MYO1B: variants seen among roughly 807,000 people sequenced by gnomAD.
MYO1B encodes the protein myosin IB, also known as unconventional myosin-Ib.
In MYO1B, 72 loss-of-function variants were observed where a neutral mutation model predicts 159.7. The ratio of observed to expected loss-of-function variants is 0.45; its 90% CI spans 0.37 to 0.55. The LOEUF is 0.55. MYO1B is among the 20% of genes least tolerant of loss of function. The pLI, the probability that MYO1B is intolerant of heterozygous loss-of-function variation, is 0.00. For missense variants in MYO1B, 1,062 were observed against 1,364.8 expected (o/e 0.78, Z 3.50); for synonymous variants, 468 against 473.8 (o/e 0.99, Z 0.16).
At chr2:191,257,969 A>C (rs986228704) in intron 1 of MYO1B, among the ~76,000 whole-genome samples, 4 of 152,220 alleles carry the variant, frequency 2.6e-5, no homozygotes, top group African/African-American at 7.2e-5. Context: ...ATTACAGTAA[A>C]ATCTAGTTTT....
At chr2:191,274,718 A>T (rs1431229291) in intron 1 of MYO1B, among the ~76,000 whole-genome samples, 2 of 152,004 alleles carry the variant, frequency 1.3e-5, no homozygotes, top group African/African-American at 4.8e-5. Flanking sequence ...CTCCCTGTGC[A>T]AGTCCTTCTG....
intron 5 of MYO1B, among the ~76,000 whole-genome samples, chr2:191,343,621 T>A (rs1692371975): frequency 6.6e-6 from 1 of 152,248 alleles, no homozygotes; most frequent in Non-Finnish European, 1.5e-5. Flanking sequence ...CTTTTGCTTT[T>A]AAGTTGGGGT....
At chr2:191,285,829 G>C (rs1688331306) in intron 2 of MYO1B, among the ~76,000 whole-genome samples, 1 of 152,134 alleles carries the variant, frequency 6.6e-6, no homozygotes, top group African/African-American at 2.4e-5. Context: ...GGTTGTGTTG[G>C]TTCATGAGCC....
At chr2:191,265,633 A>G (rs1401019700) in intron 1 of MYO1B, among the ~76,000 whole-genome samples, 1 of 152,114 alleles carries the variant, frequency 6.6e-6, no homozygotes, top group African/African-American at 2.4e-5. Context: ...TTTTACGTTC[A>G]CTTAGGGGTT....
chr2:191,293,377 A>G (rs1285999504), intron 2 of MYO1B, among the ~76,000 whole-genome samples: 1 of 152,212 alleles, frequency 6.6e-6, no homozygotes, highest in Admixed American at 6.5e-5. Flanking sequence ...AGGAGTCCCA[A>G]TCCAGACCAC....
At chr2:191,329,886 A>G (rs368353215) in intron 3 of MYO1B, 49 bp from the exon 4 acceptor site, 224 of 1,525,288 alleles carry the variant, frequency 1.5e-4, no homozygotes, top group Non-Finnish European at 1.9e-4. Flanking sequence ...TGATAAACAC[A>G]TAATAATGAT....
chr2:191,372,323 G>A (rs756709003), intron 13 of MYO1B, among the ~76,000 whole-genome samples: 5 of 152,206 alleles, frequency 3.3e-5, no homozygotes, highest in Non-Finnish European at 5.9e-5. Flanking sequence ...TTAAAAAATA[G>A]GATAATGAGG....
At chr2:191,306,011 G>A (rs1689630375) in intron 3 of MYO1B, among the ~76,000 whole-genome samples, 1 of 152,016 alleles carries the variant, frequency 6.6e-6, no homozygotes, top group African/African-American at 2.4e-5. Flanking sequence ...GGACACAATG[G>A]ACAAAAATCT....
rs1465525492 is a variant in MYO1B, at chr2:191,276,947, G to A, written c.52G>A (p.Gly18Arg). Reference protein sequence around the residue: ...TSLLDNMIGVGDMVLLEPLNE... With the variant: ...TSLLDNMIGVRDMVLLEPLNE... ...ACTTCTGGACAATATGATTGGAGTT[G>A]GGGATATGGTTCTTTTAGAACCTCT... Residue 18 changes from glycine (G) to arginine (R), a missense_variant, in exon 2 of 31, where the codon GGG becomes AGG. Gly to Arg is a moderately radical substitution (Grantham distance 125). This residue lies in a region of MYO1B where 415 missense variants were observed against 544.0 expected (regional missense o/e 0.76). Transcript: ENST00000392318. 1 of 1,613,848 alleles carries A rather than the reference G, an allele frequency of 6.2e-7. No individual in the cohort carries two copies. The highest frequency in any genetic ancestry group is 1.3e-5 in the African/African-American group (1 of 74,898).
intron 3 of MYO1B, among the ~76,000 whole-genome samples, chr2:191,327,266 T>C (rs1691161148): frequency 1.3e-5 from 2 of 152,240 alleles, no homozygotes; most frequent in African/African-American, 4.8e-5. Context: ...TTACATTTCA[T>C]GTTTATGTCT....
At chr2:191,406,415 G>C (rs1217964787) in intron 24 of MYO1B, among the ~76,000 whole-genome samples, 1 of 152,194 alleles carries the variant, frequency 6.6e-6, no homozygotes, top group Non-Finnish European at 1.5e-5. Flanking sequence ...GCCTGCCTCA[G>C]CTGTTGACAT....
At chr2:191,332,103 C>T (rs1559175445) in intron 4 of MYO1B, among the ~76,000 whole-genome samples, 4 of 152,160 alleles carry the variant, frequency 2.6e-5, no homozygotes, top group Admixed American at 1.3e-4. Flanking sequence ...GCTGGGATTA[C>T]AGGTGCCCAC....
chr2:191,368,569 T>C (rs1694158972), intron 11 of MYO1B, among the ~76,000 whole-genome samples: 1 of 152,248 alleles, frequency 6.6e-6, no homozygotes, highest in Non-Finnish European at 1.5e-5. Flanking sequence ...TTCTGCCTCT[T>C]TGTCAAGTAG....
intron 27 of MYO1B, among the ~76,000 whole-genome samples, chr2:191,412,062 A>G (rs1697281141): frequency 6.6e-6 from 1 of 152,248 alleles, no homozygotes; most frequent in Non-Finnish European, 1.5e-5. Context: ...TTAAAGGAAT[A>G]TACATTGCCA....
Position 191,251,076 on chromosome 2 carries a change from T to C in MYO1B, c.-10+5450T>C, listed in dbSNP as rs117561677. ...TCAGTTTATCCTTTTCTGGGTGTTTTGGCTTCCCAGTCCTGCGTCATTCTC... is the reference window on the plus strand; with the variant it reads ...TCAGTTTATCCTTTTCTGGGTGTTTCGGCTTCCCAGTCCTGCGTCATTCTC... On this transcript the variant is annotated intron_variant, in intron 1 of 30. Transcript: ENST00000392318. Among the ~76,000 whole-genome samples, 94 of 152,320 alleles carry C rather than the reference T, an allele frequency of 6.2e-4. 1 individual carries two copies. The East Asian group carries it at 0.01, about 17-fold the overall frequency.
At chr2:191,403,085 G>A (rs1021093584) in intron 24 of MYO1B, among the ~76,000 whole-genome samples, 3 of 152,208 alleles carry the variant, frequency 2.0e-5, no homozygotes, top group South Asian at 4.2e-4. Flanking sequence ...GACCAGCCTA[G>A]GGATGCCAGG....
chr2:191,414,352 T>C (rs1373595701), intron 28 of MYO1B, among the ~76,000 whole-genome samples, 165 bp from the exon 29 acceptor site: 1 of 152,242 alleles, frequency 6.6e-6, no homozygotes, highest in Non-Finnish European at 1.5e-5. Context: ...CTCTGACATT[T>C]TTATGAAATA....
chr2:191,384,155 C>G (rs1408226931), intron 15 of MYO1B, among the ~76,000 whole-genome samples: 2 of 152,056 alleles, frequency 1.3e-5, no homozygotes, highest in Non-Finnish European at 2.9e-5. Flanking sequence ...AGATCATATT[C>G]CGTAGTTTAT....
At chr2:191,412,480 G>C (rs13403792) in intron 27 of MYO1B, among the ~76,000 whole-genome samples, 129 of 152,266 alleles carry the variant, frequency 8.5e-4, no homozygotes, top group Middle Eastern at 3.4e-3. Context: ...CAGTTTTCAG[G>C]GATAGTGGCA....
Sources: gnomAD v4.1 joint callset for allele counts (sites outside exome capture counted in the v4.1 genomes callset) on GRCh38, gnomAD v4.1.1 for gene constraint, gnomAD v4.1.1 regional missense constraint, MANE v1.5 for transcripts, NCBI Gene and HGNC (gene_info 2026-07-23, HGNC 2026-07-21) for gene names.